The following RSPH14 variants were observed in gnomAD, a reference collection of about 807,000 sequenced individuals.
RSPH14 encodes radial spoke head 14 homolog.
A neutral mutation model predicts 26.7 loss-of-function variants in RSPH14; 20 were observed. The observed-to-expected ratio is 0.75, with a 90% CI of 0.53 to 1.09. The LOEUF (loss-of-function observed/expected upper bound fraction) is 1.09. Ranked by LOEUF, RSPH14 falls within the 50% of genes least tolerant of loss-of-function variation. The pLI, the probability that RSPH14 is intolerant of heterozygous loss-of-function variation, is 0.00. For synonymous variants in RSPH14, 177 were observed against 189.3 expected (o/e 0.93, Z 0.53); for missense variants, 449 against 457.2 (o/e 0.98, Z 0.16).
At chr22:23,070,382 CG>C (rs2068323659) in intron 4 of RSPH14, 1 of 87,210 alleles carries the variant, frequency 1.1e-5, no homozygotes, top group Admixed American at 1.2e-4. Flanking sequence ...GCGGGCGGCG[CG>C]GGAGGGCGGG....
the RSPH14 span, chr22:23,161,018 G>C: frequency 0.5 from 794,884 of 1,581,904 alleles, 201,644 homozygotes; most frequent in East Asian, 0.63. Flanking sequence ...GGTGTGACTG[G>C]GTTGGGCTGG....
the RSPH14 span, chr22:23,158,114 C>A: frequency 2.4e-5 from 38 of 1,594,584 alleles, 1 homozygote; most frequent in South Asian, 4.2e-4. Context: ...CTCCCAGACC[C>A]TGGCCAGTGG....
At chr22:23,158,919 G>A in the RSPH14 span, 1 of 1,614,194 alleles carries the variant, frequency 6.2e-7, no homozygotes, top group East Asian at 2.2e-5. Context: ...AGGATGCTCT[G>A]AGGGAGAACG....
intron 5 of RSPH14, 142 bp downstream of exon 5, chr22:23,063,760 T>A (rs2068139684): frequency 2.8e-6 from 2 of 723,576 alleles, no homozygotes; most frequent in South Asian, 1.7e-5. Context: ...AAGGTCATCC[T>A]CTGTCCCAGC....
chr22:23,065,534 CAAAAAA>C (rs10562943), intron 4 of RSPH14, among the ~76,000 whole-genome samples: 3 of 45,158 alleles, frequency 6.6e-5, no homozygotes, highest in Non-Finnish European at 1.3e-4. Flanking sequence ...GCACAGATTG[CAAAAAA>C]AAAAAAAAAA....
intron 4 of RSPH14, among the ~76,000 whole-genome samples, chr22:23,119,950 C>A (rs1452415710): frequency 6.6e-6 from 1 of 152,150 alleles, no homozygotes; most frequent in Admixed American, 6.5e-5. Flanking sequence ...TAGAGGAAAC[C>A]AGGAAGCCTG....
intron 4 of RSPH14, among the ~76,000 whole-genome samples, chr22:23,067,749 A>C (rs1026002152): frequency 1.3e-5 from 2 of 149,164 alleles, no homozygotes; most frequent in African/African-American, 2.5e-5. Flanking sequence ...AGTGGTCCCC[A>C]CCCTCTCCCC....
intron 4 of RSPH14, among the ~76,000 whole-genome samples, chr22:23,065,311 C>T (rs1020501655): frequency 3.3e-5 from 5 of 152,044 alleles, no homozygotes; most frequent in South Asian, 4.2e-4. Flanking sequence ...TGGCTCTTAC[C>T]GCCCCCCACC....
the RSPH14 span, among the ~76,000 whole-genome samples, chr22:23,173,622 G>GTTTTTTTTTTTTT: frequency 3.6e-5 from 4 of 112,290 alleles, 1 homozygote; most frequent in African/African-American, 7.0e-5. Context: ...TTTATTTTTG[G>GTTTTTTTTTTTTT]TTTTTTGTTT....
chr22:23,173,297 G>A, the RSPH14 span, among the ~76,000 whole-genome samples: 1 of 152,026 alleles, frequency 6.6e-6, no homozygotes, highest in African/African-American at 2.4e-5. Context: ...ACCATGCCCA[G>A]CTAATTTTTT....
Position 23,071,417 on chromosome 22 carries a change from G to A in RSPH14, c.422-7284C>T, listed in dbSNP as rs763687113. 9.9e-5 allele frequency among the ~76,000 whole-genome samples: 15 copies of A among 152,222 alleles called. No homozygotes were observed. The highest frequency in any genetic ancestry group is 2.1e-4 in the Non-Finnish European group (14 of 68,034). On this transcript the variant is annotated intron_variant, in intron 4 of 6. Coordinates refer to ENST00000216036, the MANE Select transcript of RSPH14 (RefSeq NM_014433.3). This position sits in a 1 kb window ranked among gnomAD's most constrained non-coding sequence, Gnocchi z 4.1. ...CCAGCGTTCCGCGTAGTCCGTGTTG[G>A]GGTGGAGGGACCCGCCTGGTAGAGA...
rs66713684 is a variant in RSPH14, at chr22:23,130,477, A to AGAAG, written c.421+3548_421+3549insCTTC. 8.2e-4 allele frequency among the ~76,000 whole-genome samples: 18 copies of AGAAG among 21,868 alleles called. No individual in the cohort carries two copies. In the South Asian group the frequency reaches 0.016, roughly 19 times the overall value. 14.3% of individuals were successfully genotyped at this position (21,868 alleles called of 152,430 possible). On this transcript the variant is annotated intron_variant, in intron 4 of 6. Transcript: ENST00000216036. ...CTCAAAAAAAAAAGAAAAAGAAAAG[A>AGAAG]GAAAGAAAGAAGGAAAGAAAAAGAA...
At chr22:23,141,582 C>A (rs5759600) in intron 1 of RSPH14, among the ~76,000 whole-genome samples, 85,430 of 152,060 alleles carry the variant, frequency 0.56, 24,347 homozygotes, top group African/African-American at 0.64. Flanking sequence ...AGGGCTTCAG[C>A]TATGTTGGCT....
the RSPH14 span, among the ~76,000 whole-genome samples, chr22:23,176,844 G>A: frequency 6.6e-6 from 1 of 152,200 alleles, no homozygotes; most frequent in Admixed American, 6.5e-5. Context: ...CTGTGCGGTT[G>A]AGTACAGCAG....
chr22:23,083,668 A>G (rs920220596), intron 4 of RSPH14, among the ~76,000 whole-genome samples: 1 of 152,116 alleles, frequency 6.6e-6, no homozygotes, highest in South Asian at 2.1e-4. Flanking sequence ...AGGAGGGGAT[A>G]TGGGCCAGAT....
chr22:23,083,390 G>A (rs2068731856), intron 4 of RSPH14, among the ~76,000 whole-genome samples: 1 of 152,284 alleles, frequency 6.6e-6, no homozygotes, highest in African/African-American at 2.4e-5. Flanking sequence ...GTGGACTGCA[G>A]GGTGACCCCT....
upstream of RSPH14, among the ~76,000 whole-genome samples, chr22:23,143,860 G>T (rs1388834101): frequency 6.6e-6 from 1 of 152,164 alleles, no homozygotes; most frequent in Admixed American, 6.5e-5. Flanking sequence ...GGAAGCCAAG[G>T]CCGGCGGATC....
At chr22:23,154,590 G>A in the RSPH14 span, among the ~76,000 whole-genome samples, 2 of 152,306 alleles carry the variant, frequency 1.3e-5, no homozygotes, top group East Asian at 3.9e-4. Flanking sequence ...GCTGGGGGCT[G>A]GGCTCACCCG....
the RSPH14 span, chr22:23,160,895 A>G: frequency 6.2e-7 from 1 of 1,613,758 alleles, no homozygotes; most frequent in African/African-American, 1.3e-5. Flanking sequence ...ACGTGAAGGC[A>G]TTCTTCAGCC....
Sources: allele counts gnomAD v4.1 joint callset (sites outside exome capture counted in the v4.1 genomes callset), GRCh38; gene constraint gnomAD v4.1.1; non-coding constraint Gnocchi (gnomAD v3.1); transcripts MANE v1.5; gene names NCBI Gene and HGNC (gene_info 2026-07-23, HGNC 2026-07-21).